FAM222B: variants seen among roughly 807,000 people sequenced by gnomAD.
FAM222B encodes the protein protein FAM222B.
A neutral mutation model predicts 38.0 loss-of-function variants in FAM222B; 12 were observed. The observed-to-expected ratio is 0.32, with a 90% CI of 0.20 to 0.51. FAM222B has a LOEUF of 0.51. Ranked by LOEUF, FAM222B falls within the 20% of genes least tolerant of loss-of-function variation. The pLI, the probability that FAM222B is intolerant of heterozygous loss-of-function variation, is 0.97. For missense variants in FAM222B, 716 were observed against 754.2 expected (o/e 0.95, Z 0.59); for synonymous variants, 329 against 317.2 (o/e 1.04, Z -0.40).
At chr17:28,852,813 T>G (rs1226215322) in intron 1 of FAM222B, among the ~76,000 whole-genome samples, 1 of 152,036 alleles carries the variant, frequency 6.6e-6, no homozygotes, top group Non-Finnish European at 1.5e-5. Context: ...AAACTCGCAC[T>G]TGGGGAGGCC....
chr17:28,797,219 C>A (rs554516938), intron 1 of FAM222B, among the ~76,000 whole-genome samples: 1 of 152,020 alleles, frequency 6.6e-6, no homozygotes, highest in African/African-American at 2.4e-5. Flanking sequence ...TGGTCTTGAA[C>A]TCCTGGCCTC....
chr17:28,819,534 AAAT>A (rs1239384872), intron 1 of FAM222B, among the ~76,000 whole-genome samples: 2 of 152,200 alleles, frequency 1.3e-5, no homozygotes, highest in African/African-American at 4.8e-5. Context: ...TGAATGAAAA[AAAT>A]AATGATAAAG....
chr17:28,794,421 T>C (rs957972585), intron 1 of FAM222B, among the ~76,000 whole-genome samples: 1 of 151,828 alleles, frequency 6.6e-6, no homozygotes, highest in Non-Finnish European at 1.5e-5. Context: ...GGTTTCAACA[T>C]GTTGGCCAGG....
intron 1 of FAM222B, among the ~76,000 whole-genome samples, chr17:28,838,488 G>A (rs1172860207): frequency 1.3e-5 from 2 of 151,858 alleles, no homozygotes; most frequent in Non-Finnish European, 2.9e-5. Flanking sequence ...GCGGAGGCAG[G>A]AGAATGGCGT....
Position 28,758,010 on chromosome 17 carries a change from G to A in FAM222B, c.*260C>T, listed in dbSNP as rs779332804. The A allele has an allele frequency of 3.4e-5, 13 of 383,784 alleles. No homozygotes were observed. Among genetic ancestry groups the A allele is most frequent in the Non-Finnish European group, 5.6e-5 (12 of 213,758 alleles). 23.8% of individuals were successfully genotyped at this position (383,784 alleles called of 1,614,324 possible). ...GGAGCTGGCTGGAAATGGCCAAGGT[G>A]GAGAGACTAGCTGACAGGCAGTCAG... On this transcript the variant is annotated 3_prime_UTR_variant, in exon 3 of 3. Coordinates refer to ENST00000581407, the MANE Select transcript of FAM222B (RefSeq NM_001077498.3).
At position 28,757,925 on chromosome 17, in the gene FAM222B, G is replaced by A. The variant is rs1038222264; in HGVS notation, c.*345C>T. On this transcript the variant is annotated 3_prime_UTR_variant, in exon 3 of 3. Transcript: ENST00000581407. ...TATACTACCTCAACTAGGGCATTCC[G>A]TCAGCCCACACCTCAGTCGTCCTAA... 6 of 207,548 alleles carry A rather than the reference G, an allele frequency of 2.9e-5. No individual in the cohort carries two copies. The highest frequency in any genetic ancestry group is 2.1e-4 in the South Asian group (2 of 9,386). The allele number at this position is 207,548 out of a possible 1,614,324, so 12.9% of individuals were successfully genotyped here.
At chr17:28,766,379 G>C (rs946868638) in intron 2 of FAM222B, among the ~76,000 whole-genome samples, 1 of 152,020 alleles carries the variant, frequency 6.6e-6, no homozygotes, top group East Asian at 1.9e-4. Context: ...GCTTAACCCG[G>C]GAGGGAGAGG....
intron 1 of FAM222B, among the ~76,000 whole-genome samples, chr17:28,814,876 C>T (rs1237735622): frequency 6.7e-6 from 1 of 149,966 alleles, no homozygotes; most frequent in Non-Finnish European, 1.5e-5. Flanking sequence ...CGGGCTCAAG[C>T]GATTCTCCTG....
chr17:28,836,813 T>C (rs1040526376), intron 1 of FAM222B, among the ~76,000 whole-genome samples: 1 of 152,128 alleles, frequency 6.6e-6, no homozygotes, highest in Admixed American at 6.6e-5. Context: ...TGCCTTTTAG[T>C]TTTTACTTCT....
rs2034740112 is a variant in FAM222B at position 28,757,179 on chromosome 17, A to G, written c.*1091T>C. 1 of 152,532 alleles carries G rather than the reference A, an allele frequency of 6.6e-6. No individual in the cohort carries two copies. Among genetic ancestry groups the G allele is most frequent in the Non-Finnish European group, 1.5e-5 (1 of 68,030 alleles). 9.4% of individuals were successfully genotyped at this position (152,532 alleles called of 1,614,324 possible). ...ACCATGCTCATTTGGTAAAGGAAGTACTCAAAGAGCTTAAGGCTTTGTGTT... is the reference window on the plus strand; with the variant it reads ...ACCATGCTCATTTGGTAAAGGAAGTGCTCAAAGAGCTTAAGGCTTTGTGTT... On this transcript the variant is annotated 3_prime_UTR_variant, in exon 3 of 3. Coordinates refer to ENST00000581407, the MANE Select transcript of FAM222B (RefSeq NM_001077498.3).
intron 1 of FAM222B, among the ~76,000 whole-genome samples, chr17:28,823,873 G>T (rs551076259): frequency 1.4e-5 from 2 of 144,278 alleles, no homozygotes; most frequent in South Asian, 4.6e-4. Flanking sequence ...GACCAAAAGA[G>T]AATTTTTTTT....
At chr17:28,829,475 T>C (rs1316721451) in intron 1 of FAM222B, among the ~76,000 whole-genome samples, 1 of 152,138 alleles carries the variant, frequency 6.6e-6, no homozygotes, top group Non-Finnish European at 1.5e-5. Flanking sequence ...CCCGGCCCAC[T>C]GTCTCTCTAG....
At chr17:28,818,656 A>G (rs1004508689) in intron 1 of FAM222B, among the ~76,000 whole-genome samples, 1 of 152,216 alleles carries the variant, frequency 6.6e-6, no homozygotes, top group Non-Finnish European at 1.5e-5. Flanking sequence ...AAAGGGAAAC[A>G]CTTGTATGGT....
At chr17:28,829,868 G>T (rs2038599706) in intron 1 of FAM222B, among the ~76,000 whole-genome samples, 1 of 151,030 alleles carries the variant, frequency 6.6e-6, no homozygotes. Flanking sequence ...TTTTGAGACC[G>T]AGTCTCACTC....
intron 1 of FAM222B, among the ~76,000 whole-genome samples, chr17:28,840,758 A>G (rs1019879807): frequency 1.3e-5 from 2 of 151,762 alleles, no homozygotes; most frequent in African/African-American, 2.4e-5. Context: ...GAAGTTTGAG[A>G]CCAGCCTGTC....
chr17:28,779,751 A>AAAATAAAT (rs57583458), intron 1 of FAM222B, among the ~76,000 whole-genome samples: 7,190 of 144,640 alleles, frequency 0.05, 219 homozygotes, highest in South Asian at 0.073. Context: ...ACTCCGTCTC[A>AAAATAAAT]AAATAAATAA....
chr17:28,813,906 A>G (rs541819566), intron 1 of FAM222B, among the ~76,000 whole-genome samples: 2 of 151,900 alleles, frequency 1.3e-5, no homozygotes, highest in East Asian at 1.9e-4. Flanking sequence ...AGAGCACTAC[A>G]TGGGGCTCAT....
chr17:28,790,599 GTGA>G (rs2036615811), intron 1 of FAM222B, among the ~76,000 whole-genome samples: 1 of 152,138 alleles, frequency 6.6e-6, no homozygotes, highest in Admixed American at 6.6e-5. Context: ...AATGCAATGT[GTGA>G]TTCTGACCTG....
At chr17:28,769,391 C>T (rs1460443257) in intron 1 of FAM222B, among the ~76,000 whole-genome samples, 2 of 151,986 alleles carry the variant, frequency 1.3e-5, no homozygotes, top group African/African-American at 2.4e-5. Flanking sequence ...CAGTGTTAGC[C>T]AGGATGGTCT....
Sources: allele counts gnomAD v4.1 joint callset (sites outside exome capture counted in the v4.1 genomes callset), GRCh38; gene constraint gnomAD v4.1.1; transcripts MANE v1.5; gene names NCBI Gene and HGNC (gene_info 2026-07-23, HGNC 2026-07-21).